Variants in HDDC2 observed in about 807,000 individuals in gnomAD.
HDDC2 encodes the protein 5'-deoxynucleotidase HDDC2.
A neutral mutation model predicts 25.5 loss-of-function variants in HDDC2; 25 were observed. That is an observed-to-expected ratio of 0.98 (90% CI 0.72 to 1.37). The LOEUF (loss-of-function observed/expected upper bound fraction) is 1.37, where lower values mean the gene tolerates loss of function less well. HDDC2 is among the 40% of genes most tolerant of loss of function. The pLI, the probability that HDDC2 is intolerant of heterozygous loss-of-function variation, is 0.00. For synonymous variants in HDDC2, 106 were observed against 89.7 expected (o/e 1.18, Z -1.03); for missense variants, 264 against 253.1 (o/e 1.04, Z -0.29).
chr6:125,301,458 C>A (rs948631201), intron 1 of HDDC2, among the ~76,000 whole-genome samples: 2 of 145,320 alleles, frequency 1.4e-5, no homozygotes, highest in Admixed American at 1.4e-4. Flanking sequence ...CACACACACA[C>A]ACACACGAGT....
chr6:125,279,426 T>A (rs1176852286), intron 4 of HDDC2: 1 of 151,458 alleles, frequency 6.6e-6, no homozygotes, highest in Non-Finnish European at 1.5e-5. Flanking sequence ...CAGGAGGACA[T>A]CTCTAAAAGA....
At chr6:125,283,024 TAAAC>T (rs1220382063) in intron 4 of HDDC2, among the ~76,000 whole-genome samples, 1 of 152,190 alleles carries the variant, frequency 6.6e-6, no homozygotes, top group East Asian at 1.9e-4. Context: ...TGCAAATCAA[TAAAC>T]ATAATCCATC....
intron 4 of HDDC2, chr6:125,278,550 A>G (rs949580891): frequency 6.6e-6 from 1 of 152,224 alleles, no homozygotes; most frequent in Non-Finnish European, 1.5e-5. Context: ...GCATTCTTCA[A>G]TAAAAAGGCA....
intron 3 of HDDC2, 158 bp downstream of exon 3, chr6:125,298,556 C>G: frequency 4.8e-6 from 3 of 623,074 alleles, no homozygotes; most frequent in Non-Finnish European, 8.6e-6. Context: ...GGCCCTGAAT[C>G]TCTAAAAATA....
intron 4 of HDDC2, among the ~76,000 whole-genome samples, chr6:125,280,930 T>G (rs9482633): frequency 0.015 from 2,325 of 152,060 alleles, 59 homozygotes; most frequent in African/African-American, 0.053. Flanking sequence ...CCAGCAGGGG[T>G]CGACAGACAT....
chr6:125,292,704 G>T (rs1798648980), intron 4 of HDDC2, 137 bp downstream of exon 4: 4 of 706,210 alleles, frequency 5.7e-6, no homozygotes, highest in Non-Finnish European at 1.0e-5. Flanking sequence ...CAGCAGCTGG[G>T]AAGTGAGAAA....
intron 4 of HDDC2, among the ~76,000 whole-genome samples, chr6:125,283,343 G>A (rs1024182939): frequency 3.3e-5 from 5 of 152,148 alleles, no homozygotes; most frequent in African/African-American, 1.2e-4. Context: ...AAGAAATAAA[G>A]AGTATTCAAA....
chr6:125,291,832 C>T (rs1798635598), intron 4 of HDDC2, among the ~76,000 whole-genome samples: 1 of 152,148 alleles, frequency 6.6e-6, no homozygotes, highest in Non-Finnish European at 1.5e-5. Context: ...ACCATCAACC[C>T]AAACCACAGA....
chr6:125,293,821 T>C (rs1234482726), intron 3 of HDDC2, among the ~76,000 whole-genome samples: 1 of 152,100 alleles, frequency 6.6e-6, no homozygotes, highest in Non-Finnish European at 1.5e-5. Context: ...AAACCAGGCA[T>C]TCAGGGGCCA....
chr6:125,279,879 G>A (rs1288172023), intron 4 of HDDC2, among the ~76,000 whole-genome samples: 1 of 152,146 alleles, frequency 6.6e-6, no homozygotes, highest in Non-Finnish European at 1.5e-5. Flanking sequence ...TTTAAAAAGA[G>A]AACTCGAATC....
In HDDC2 at chr6:125,290,178, C is replaced by A. The variant is rs148502642; in HGVS notation, c.378+2663G>T. 3.1e-3 allele frequency among the ~76,000 whole-genome samples: 475 copies of A among 152,228 alleles called. 2 individuals carry two copies. The highest frequency in any genetic ancestry group is 0.011 in the African/African-American group (466 of 41,544). On this transcript the variant is annotated intron_variant, in intron 4 of 5. Transcript: ENST00000398153. The stretch of plus-strand genomic sequence containing the variant: ...TACAGAATGACCCTACTTTCTTAAA[C>A]CAAAAACCACGATACATGGACTGGA...
intron 4 of HDDC2, among the ~76,000 whole-genome samples, chr6:125,283,160 A>G (rs1168431380): frequency 2.0e-5 from 3 of 152,204 alleles, no homozygotes; most frequent in Non-Finnish European, 2.9e-5. Context: ...CTGATGGAAC[A>G]TATCTCAAAA....
chr6:125,301,300 A>G (rs949859073), intron 1 of HDDC2, among the ~76,000 whole-genome samples: 11 of 152,310 alleles, frequency 7.2e-5, no homozygotes, highest in African/African-American at 2.2e-4. Context: ...TGTGTATTAC[A>G]TTAAATCCCG....
In HDDC2 at chr6:125,276,137, G is replaced by C; in HGVS notation, c.*9C>G. On this transcript the variant is annotated 3_prime_UTR_variant, in exon 6 of 6. Coordinates refer to ENST00000398153, the MANE Select transcript of HDDC2 (RefSeq NM_016063.3). ...TTTGTTACAGGAGTGCAGCAATTTA[G>C]AGAGTGTCTCAGGAGTGTGGCTCAC... 6.3e-7 allele frequency: 1 copy of C among 1,584,790 alleles called. No individual in the cohort carries two copies. The highest frequency in any genetic ancestry group is 8.7e-7 in the Non-Finnish European group (1 of 1,153,146).
At chr6:125,300,796 A>G in intron 1 of HDDC2, 137 bp from the exon 2 acceptor site, 2 of 793,090 alleles carry the variant, frequency 2.5e-6, no homozygotes, top group Non-Finnish European at 3.9e-6. Context: ...TGTTTTGCTA[A>G]ACTAGCTAAA....
rs140339940 is a variant in HDDC2 at position 125,286,982 on chromosome 6, A to C, written c.378+5859T>G. 1.9e-3 allele frequency among the ~76,000 whole-genome samples: 290 copies of C among 152,346 alleles called. 1 individual carries two copies. Among genetic ancestry groups the C allele is most frequent in the African/African-American group, 6.7e-3 (278 of 41,572 alleles). ...TGACAAAAGAACCCAATATGCCCCC[A>C]TAGTTTTGCCAAAAGGTTCCAACCT... On this transcript the variant is annotated intron_variant, in intron 4 of 5. Coordinates refer to ENST00000398153, the MANE Select transcript of HDDC2 (RefSeq NM_016063.3).
chr6:125,280,893 C>G (rs944431162), intron 4 of HDDC2, among the ~76,000 whole-genome samples: 1 of 152,238 alleles, frequency 6.6e-6, no homozygotes, highest in Non-Finnish European at 1.5e-5. Context: ...TCCCTGACCT[C>G]CATGCTTCCT....
Position 125,301,486 on chromosome 6 carries a change from A to ACACACGCGCACGCG in HDDC2, c.84+362_84+363insCGCGTGCGCGTGTG, listed in dbSNP as rs371871069. 3.3e-4 allele frequency among the ~76,000 whole-genome samples: 49 copies of ACACACGCGCACGCG among 147,374 alleles called. 1 individual carries two copies. Among genetic ancestry groups the ACACACGCGCACGCG allele is most frequent in the Non-Finnish European group, 5.3e-4 (35 of 66,368 alleles). The stretch of plus-strand genomic sequence containing the variant: ...ACACGAGTTCTGGGGTCGTGAGCAC[A>ACACACGCGCACGCG]CACACACACACACACACACACGAGT... On this transcript the variant is annotated intron_variant, in intron 1 of 5. Transcript: ENST00000398153.
At chr6:125,297,110 A>G (rs899620807) in intron 3 of HDDC2, among the ~76,000 whole-genome samples, 2 of 152,158 alleles carry the variant, frequency 1.3e-5, no homozygotes, top group African/African-American at 4.8e-5. Context: ...CCCTTGAATA[A>G]AACTATCCTA....
Sources: allele counts gnomAD v4.1 joint callset (sites outside exome capture counted in the v4.1 genomes callset), GRCh38; gene constraint gnomAD v4.1.1; transcripts MANE v1.5; gene names NCBI Gene and HGNC (gene_info 2026-07-23, HGNC 2026-07-21).